The following GPM6A variants were observed in gnomAD, a reference collection of about 807,000 sequenced individuals.
GPM6A encodes neuronal membrane glycoprotein M6-a.
Under a neutral mutation model 32.1 loss-of-function variants are expected in GPM6A, and 7 were observed. That is an observed-to-expected ratio of 0.22 (90% CI 0.12 to 0.41). The LOEUF (loss-of-function observed/expected upper bound fraction) is 0.41. Among genes scored for constraint, GPM6A ranks in the 10% least tolerant of loss-of-function variants. GPM6A has a pLI of 1.00. For synonymous variants in GPM6A, 130 were observed against 123.4 expected, an observed-to-expected ratio of 1.05 and a Z score of -0.35; for missense variants, 235 against 347.2, an observed-to-expected ratio of 0.68 and a Z score of 2.57.
intron 1 of GPM6A, among the ~76,000 whole-genome samples, chr4:175,917,812 T>G (rs1028462301): frequency 6.6e-6 from 1 of 151,302 alleles, no homozygotes; most frequent in Non-Finnish European, 1.5e-5. Context: ...AAAAGCTTTC[T>G]AAAGAAAACA....
intron 1 of GPM6A, among the ~76,000 whole-genome samples, chr4:175,820,500 C>CTTT (rs66569311): frequency 0.029 from 3,241 of 112,068 alleles, 158 homozygotes; most frequent in Non-Finnish European, 0.039. Flanking sequence ...TCTTTTCTTT[C>CTTT]TTTTTTTTTT....
chr4:175,696,585 C>T (rs1744593689), intron 2 of GPM6A, among the ~76,000 whole-genome samples: 1 of 152,172 alleles, frequency 6.6e-6, no homozygotes, highest in Non-Finnish European at 1.5e-5. Context: ...TTATGACTTA[C>T]ATTATGTTTG....
intron 1 of GPM6A, among the ~76,000 whole-genome samples, chr4:175,745,786 C>T (rs371015430): frequency 1.8e-4 from 28 of 152,144 alleles, no homozygotes; most frequent in South Asian, 6.2e-4. Flanking sequence ...GTGTACGTTG[C>T]GAAGTAAGAA....
At chr4:175,771,837 A>G (rs907504281) in intron 1 of GPM6A, among the ~76,000 whole-genome samples, 2 of 152,176 alleles carry the variant, frequency 1.3e-5, no homozygotes, top group Non-Finnish European at 2.9e-5. Flanking sequence ...TTCTCAATCA[A>G]TGGGCTGCTT....
At chr4:175,690,568 A>G (rs1744239632) in intron 2 of GPM6A, among the ~76,000 whole-genome samples, 1 of 152,222 alleles carries the variant, frequency 6.6e-6, no homozygotes, top group South Asian at 2.1e-4. Context: ...CGACTTTCAG[A>G]GTACTCCATT....
At chr4:175,989,467 T>C (rs1475502583) in intron 1 of GPM6A, among the ~76,000 whole-genome samples, 1 of 152,130 alleles carries the variant, frequency 6.6e-6, no homozygotes, top group Non-Finnish European at 1.5e-5. Flanking sequence ...AAGAAAGGGA[T>C]CTTTCTTCTT....
intron 2 of GPM6A, among the ~76,000 whole-genome samples, chr4:175,697,241 C>G (rs976008889): frequency 6.6e-6 from 1 of 152,080 alleles, no homozygotes. Context: ...TGTATGATAT[C>G]TAATTTTCTA....
At chr4:175,721,042 A>T (rs146831231) in intron 1 of GPM6A, among the ~76,000 whole-genome samples, 1 of 81,234 alleles carries the variant, frequency 1.2e-5, no homozygotes, top group Non-Finnish European at 2.8e-5. Context: ...CATATATATT[A>T]TATATATATA....
intron 2 of GPM6A, among the ~76,000 whole-genome samples, chr4:175,686,644 C>T (rs77078878): frequency 0.047 from 7,158 of 152,320 alleles, 202 homozygotes; most frequent in Non-Finnish European, 0.062. Context: ...CGGGAAGAGG[C>T]CACCCTTGCT....
At chr4:176,000,738 G>A (rs888686203) in intron 1 of GPM6A, among the ~76,000 whole-genome samples, 2 of 152,076 alleles carry the variant, frequency 1.3e-5, no homozygotes, top group African/African-American at 4.8e-5. Context: ...GGCTCAAGTG[G>A]TCAAGTAGAA....
rs184222838 is a variant in GPM6A, at chr4:175,688,738, A to G, written c.230+12837T>C. On this transcript the variant is annotated intron_variant, in intron 2 of 6. Coordinates refer to ENST00000393658, the MANE Select transcript of GPM6A (RefSeq NM_201591.3). Reference sequence around the variant, plus strand: ...TTAGATCATTACACATTGTAAGCCTATATCAAAATACCACATGTGCCCCAC... The same window carrying G: ...TTAGATCATTACACATTGTAAGCCTGTATCAAAATACCACATGTGCCCCAC... Among the ~76,000 whole-genome samples, 914 of 152,376 alleles carry G rather than the reference A, an allele frequency of 6.0e-3. 3 individuals are homozygous for G. Among genetic ancestry groups the G allele is most frequent in the South Asian group, 0.011 (52 of 4,832 alleles).
intron 1 of GPM6A, among the ~76,000 whole-genome samples, chr4:175,875,293 G>A (rs191206518): frequency 1.6e-3 from 251 of 152,266 alleles, no homozygotes; most frequent in African/African-American, 5.7e-3. Context: ...AATGCCATGA[G>A]CTTTTAATAT....
intron 1 of GPM6A, among the ~76,000 whole-genome samples, chr4:175,902,303 A>T (rs1234821412): frequency 6.6e-6 from 1 of 152,182 alleles, no homozygotes; most frequent in Non-Finnish European, 1.5e-5. Flanking sequence ...TAGTGATGGT[A>T]AGAGATTCAT....
chr4:175,800,557 T>G (rs900581513), intron 1 of GPM6A, among the ~76,000 whole-genome samples: 2 of 152,174 alleles, frequency 1.3e-5, no homozygotes, highest in African/African-American at 4.8e-5. Context: ...TAGCTAAAAT[T>G]ATATACCTAC....
intron 1 of GPM6A, among the ~76,000 whole-genome samples, chr4:175,910,010 T>G (rs928349792): frequency 6.6e-6 from 1 of 152,148 alleles, no homozygotes; most frequent in African/African-American, 2.4e-5. Context: ...TATGGTCCAG[T>G]GGTGTGCTAG....
intron 1 of GPM6A, among the ~76,000 whole-genome samples, chr4:175,750,644 C>T (rs1320641091): frequency 1.3e-5 from 2 of 152,092 alleles, no homozygotes; most frequent in East Asian, 3.9e-4. Context: ...CCAATCTTGG[C>T]TCACTGCAAC....
chr4:175,816,158 T>C (rs1271314714), upstream of GPM6A, among the ~76,000 whole-genome samples: 1 of 152,200 alleles, frequency 6.6e-6, no homozygotes, highest in Admixed American at 6.5e-5. Flanking sequence ...ATCACCGCAC[T>C]GCAGCCTGGG....
chr4:175,828,782 C>T (rs1042096687), intron 1 of GPM6A, among the ~76,000 whole-genome samples: 14 of 151,932 alleles, frequency 9.2e-5, no homozygotes, highest in African/African-American at 3.4e-4. Context: ...TTTAGAAATT[C>T]ACATTTGCAA....
upstream of GPM6A, among the ~76,000 whole-genome samples, chr4:175,814,807 T>A (rs1735048233): frequency 6.6e-6 from 1 of 152,176 alleles, no homozygotes. Context: ...TTTATTGGGG[T>A]AAAATATAAA....
Sources: allele counts gnomAD v4.1 joint callset (sites outside exome capture counted in the v4.1 genomes callset), GRCh38; gene constraint gnomAD v4.1.1; transcripts MANE v1.5; gene names NCBI Gene and HGNC (gene_info 2026-07-23, HGNC 2026-07-21).